SENP6: variants seen among roughly 807,000 people sequenced by gnomAD.
SENP6 encodes SUMO specific peptidase 6, also known as sentrin-specific protease 6.
In SENP6, 41 loss-of-function variants were observed where a neutral mutation model predicts 134.5. The observed-to-expected ratio is 0.30, with a 90% confidence interval of 0.24 to 0.40. SENP6 has a LOEUF of 0.40. SENP6 is among the 10% of genes least tolerant of loss of function. SENP6 has a pLI of 1.00. For missense variants in SENP6, 1,248 were observed against 1,312.5 expected (o/e 0.95, Z 0.76); for synonymous variants, 395 against 429.8 (o/e 0.92, Z 1.00).
At chr6:75,641,451 A>G (rs1770021058) in intron 6 of SENP6, among the ~76,000 whole-genome samples, 1 of 152,192 alleles carries the variant, frequency 6.6e-6, no homozygotes, top group Admixed American at 6.5e-5. Flanking sequence ...CTTAGAGTTA[A>G]AACTTTAAAC....
chr6:75,620,712 A>G (rs1768205923), intron 1 of SENP6: 1 of 152,284 alleles, frequency 6.6e-6, no homozygotes, highest in Admixed American at 6.5e-5. Context: ...CAAGCTTAAG[A>G]CATCAGAATT....
chr6:75,669,499 A>G (rs1772506568), intron 10 of SENP6, among the ~76,000 whole-genome samples: 1 of 152,150 alleles, frequency 6.6e-6, no homozygotes, highest in African/African-American at 2.4e-5. Flanking sequence ...CTTTAGAAGG[A>G]TAATGGGAAT....
chr6:75,697,326 G>T, intron 17 of SENP6, 99 bp from the exon 18 acceptor site: 1 of 797,956 alleles, frequency 1.3e-6, no homozygotes, highest in South Asian at 2.2e-5. Context: ...GCAACTGTTT[G>T]AGCTATTACA....
At chr6:75,650,841 T>C (rs575448363) in intron 7 of SENP6, among the ~76,000 whole-genome samples, 3 of 152,336 alleles carry the variant, frequency 2.0e-5, no homozygotes, top group African/African-American at 7.2e-5. Flanking sequence ...AACCACAAGA[T>C]CACTAATTAC....
chr6:75,625,434 A>T (rs917913548), intron 3 of SENP6, among the ~76,000 whole-genome samples: 1 of 151,948 alleles, frequency 6.6e-6, no homozygotes, highest in Non-Finnish European at 1.5e-5. Context: ...ATTTTAACTC[A>T]GTTTTTTCAC....
At chr6:75,643,003 A>G (rs1770146948) in intron 6 of SENP6, among the ~76,000 whole-genome samples, 1 of 152,202 alleles carries the variant, frequency 6.6e-6, no homozygotes. Context: ...GTCTCATCCC[A>G]TTAGGGATAT....
At chr6:75,609,775 G>A (rs1767304074) in intron 1 of SENP6, among the ~76,000 whole-genome samples, 1 of 152,058 alleles carries the variant, frequency 6.6e-6, no homozygotes, top group Non-Finnish European at 1.5e-5. Flanking sequence ...TTTTGTTTTT[G>A]TTTTTGTTTT....
chr6:75,681,037 A>G (rs921432792), intron 16 of SENP6, among the ~76,000 whole-genome samples: 1 of 152,252 alleles, frequency 6.6e-6, no homozygotes, highest in African/African-American at 2.4e-5. Context: ...TGAGAAAAGA[A>G]TATCAATAGA....
chr6:75,616,190 A>G (rs1767834920), intron 1 of SENP6, among the ~76,000 whole-genome samples: 2 of 151,808 alleles, frequency 1.3e-5, no homozygotes, highest in Admixed American at 1.3e-4. Flanking sequence ...TTTTCTTTCC[A>G]TCTCCTTAAT....
chr6:75,655,383 CA>C (rs531397749), intron 7 of SENP6: 168 of 152,298 alleles, frequency 1.1e-3, no homozygotes, highest in African/African-American at 3.8e-3. Flanking sequence ...CCTTTCTAAC[CA>C]AAATCCCCAT....
chr6:75,683,126 G>A (rs1200756158), intron 16 of SENP6, among the ~76,000 whole-genome samples: 3 of 152,150 alleles, frequency 2.0e-5, no homozygotes, highest in Non-Finnish European at 2.9e-5. Context: ...TTATCTCATT[G>A]TGGTTTTTGA....
chr6:75,709,326 G>A (rs944976762), intron 19 of SENP6, among the ~76,000 whole-genome samples: 15 of 152,046 alleles, frequency 9.9e-5, no homozygotes, highest in African/African-American at 3.4e-4. Context: ...TAGCATCTGG[G>A]TAGTGGAAAC....
intron 19 of SENP6, 56 bp from the exon 20 acceptor site, chr6:75,709,471 T>C (rs75665266): frequency 1.7e-6 from 2 of 1,197,014 alleles, no homozygotes; most frequent in Non-Finnish European, 2.5e-6. Context: ...CAGCCTCATA[T>C]ACTATGAGTG....
At chr6:75,668,479 G>A (rs1028189892) in intron 10 of SENP6, among the ~76,000 whole-genome samples, 6 of 151,990 alleles carry the variant, frequency 3.9e-5, no homozygotes, top group Non-Finnish European at 8.8e-5. Context: ...ATAAGGAAAG[G>A]AAATGAATAG....
In SENP6 at chr6:75,702,722, A is replaced by G; in HGVS notation, c.2366A>G (p.Glu789Gly). 1 of 1,613,808 alleles carries G rather than the reference A, an allele frequency of 6.2e-7. No homozygotes were observed. The highest frequency in any genetic ancestry group is 8.5e-7 in the Non-Finnish European group (1 of 1,179,892). The change falls in exon 19 of 24, where the codon GAA becomes GGA. Residue 789 changes from glutamate (E) to glycine (G), a missense_variant. Glu to Gly is a moderately conservative substitution (Grantham distance 98, BLOSUM62 -2). Coordinates refer to ENST00000447266, the MANE Select transcript of SENP6 (RefSeq NM_015571.4). ...TATGAACCTAATCCTCATTACCATG[A>G]AAATGCTGTCATACAGAAATGTTCA... ...PKYEPNPHYH[E>G]NAVIQKCSTV...
intron 6 of SENP6, among the ~76,000 whole-genome samples, chr6:75,643,331 TAAC>T (rs1341596606): frequency 1.3e-5 from 2 of 152,104 alleles, no homozygotes; most frequent in African/African-American, 4.8e-5. Context: ...CATACTAAAA[TAAC>T]AATGTGAAAG....
chr6:75,714,421 G>A (rs187919384), intron 23 of SENP6, among the ~76,000 whole-genome samples: 2 of 152,272 alleles, frequency 1.3e-5, no homozygotes, highest in East Asian at 3.9e-4. Flanking sequence ...TCTGTGAATT[G>A]TGTCATTTAA....
chr6:75,619,443 C>CTGTGTGTGTG (rs1247378803), intron 1 of SENP6, among the ~76,000 whole-genome samples: 1 of 72,706 alleles, frequency 1.4e-5, no homozygotes, highest in African/African-American at 4.7e-5. Context: ...TCCGTTGTGT[C>CTGTGTGTGTG]TATGTGTGTG....
intron 4 of SENP6, among the ~76,000 whole-genome samples, chr6:75,634,060 A>G (rs1033153249): frequency 2.0e-5 from 3 of 152,162 alleles, no homozygotes; most frequent in African/African-American, 7.2e-5. Flanking sequence ...AGGAAATACT[A>G]ATCAGGATTG....
Sources: gnomAD v4.1 joint callset for allele counts (sites outside exome capture counted in the v4.1 genomes callset) on GRCh38, gnomAD v4.1.1 for gene constraint, MANE v1.5 for transcripts, NCBI Gene and HGNC (gene_info 2026-07-23, HGNC 2026-07-21) for gene names.